COPA: variants seen among roughly 807,000 people sequenced by gnomAD.
The protein encoded by COPA is coatomer subunit alpha.
Under a neutral mutation model 158.7 loss-of-function variants are expected in COPA, and 10 were observed. The ratio of observed to expected loss-of-function variants is 0.06; its 90% CI spans 0.04 to 0.11. The LOEUF (loss-of-function observed/expected upper bound fraction) is 0.11, where lower values mean the gene tolerates loss of function less well. Ranked by LOEUF, COPA falls within the 10% of genes least tolerant of loss-of-function variation. COPA has a pLI of 1.00. For synonymous variants in COPA, 462 were observed against 542.8 expected (o/e 0.85, Z 2.07); for missense variants, 1,065 against 1,536.7 (o/e 0.69, Z 5.13).
chr1:160,305,770 A>C lies in COPA; in HGVS notation c.1446T>G (p.Thr482=). The change falls in exon 16 of 33, where the codon ACT becomes ACG. Residue 482 remains threonine (T), a synonymous_variant. Coordinates refer to ENST00000241704, the MANE Select transcript of COPA (RefSeq NM_004371.4). ...CTTTAGAAATCTTCACAGATGCCAG[A>C]GTCCTGAGATAGATAGAGATGTGCA... The part of the protein sequence containing the change: ...ITLFDVQQKR[T]LASVKISKVK... 6.2e-7 allele frequency: 1 copy of C among 1,613,494 alleles called. No individual in the cohort carries two copies. Among genetic ancestry groups the C allele is most frequent in the East Asian group, 2.2e-5 (1 of 44,886 alleles).
chr1:160,329,701 A>G (rs1250714590), intron 6 of COPA, among the ~76,000 whole-genome samples: 1 of 152,230 alleles, frequency 6.6e-6, no homozygotes, highest in Non-Finnish European at 1.5e-5. Flanking sequence ...CAAATTCTCT[A>G]TGAACTAGAA....
intron 3 of COPA, 27 bp from the exon 4 acceptor site, chr1:160,335,349 C>G (rs775693217): frequency 1.3e-6 from 2 of 1,592,684 alleles, no homozygotes; most frequent in Admixed American, 3.5e-5. Flanking sequence ...AACTAAGAAA[C>G]AGAAATAGTT....
Position 160,314,052 on chromosome 1 carries a change from G to T in COPA, c.780C>A (p.Arg260=). The T allele has an allele frequency of 6.2e-7, 1 of 1,613,674 alleles. No homozygotes were observed. The highest frequency in any genetic ancestry group is 8.5e-7 in the Non-Finnish European group (1 of 1,179,918). ...CAGAATTGCTGAGGATCAACTCTTG[G>T]CGAGGGTGGAAGACGGCACAAGATA... ...NNVSCAVFHP[R]QELILSNSED... The change falls in exon 9 of 33, where the codon CGC becomes CGA. Residue 260 remains arginine, a synonymous_variant. Coordinates refer to ENST00000241704, the MANE Select transcript of COPA (RefSeq NM_004371.4).
chr1:160,327,475 G>T (rs1370209450), intron 6 of COPA, among the ~76,000 whole-genome samples: 2 of 147,152 alleles, frequency 1.4e-5, no homozygotes, highest in African/African-American at 2.5e-5. Flanking sequence ...GGGCGGGGCT[G>T]GGGGGGGCGC....
chr1:160,308,142 A>G (rs1181950212), intron 13 of COPA, among the ~76,000 whole-genome samples: 2 of 151,806 alleles, frequency 1.3e-5, no homozygotes, highest in African/African-American at 4.8e-5. Context: ...AACAAAACAA[A>G]ATATTTTAAA....
At chr1:160,327,233 C>G (rs577036354) in intron 6 of COPA, among the ~76,000 whole-genome samples, 1 of 152,298 alleles carries the variant, frequency 6.6e-6, no homozygotes, top group South Asian at 2.1e-4. Flanking sequence ...AATAAAAACT[C>G]TCATTGAAAA....
intron 10 of COPA, 23 bp from the exon 11 acceptor site, chr1:160,312,041 G>T (rs1557867154): frequency 6.2e-7 from 1 of 1,604,902 alleles, no homozygotes; most frequent in South Asian, 1.1e-5. Flanking sequence ...GAGAGGAGGA[G>T]AAAAAATTAA....
At chr1:160,325,959 T>C (rs1462289150) in intron 6 of COPA, 3 of 238,124 alleles carry the variant, frequency 1.3e-5, no homozygotes, top group East Asian at 1.7e-4. Context: ...CCTCAAGAGG[T>C]GTCTGCTTCA....
intron 17 of COPA, among the ~76,000 whole-genome samples, chr1:160,303,428 C>G (rs927084016): frequency 7.2e-5 from 11 of 152,162 alleles, no homozygotes; most frequent in African/African-American, 2.7e-4. Flanking sequence ...GACTGCAGAA[C>G]AATGGAGAAA....
At chr1:160,301,036 T>A (rs1203380271) in intron 17 of COPA, among the ~76,000 whole-genome samples, 2 of 152,014 alleles carry the variant, frequency 1.3e-5, no homozygotes, top group East Asian at 3.8e-4. Context: ...AAGAATTGCT[T>A]GAACCCGGGA....
chr1:160,298,146 A>G (rs1013064861), intron 19 of COPA, among the ~76,000 whole-genome samples: 2 of 151,244 alleles, frequency 1.3e-5, no homozygotes, highest in African/African-American at 4.9e-5. Flanking sequence ...ATGCCATTGC[A>G]CTCCAGCCTG....
Position 160,294,803 on chromosome 1 carries a change from C to T in COPA, c.2531G>A (p.Gly844Asp), listed in dbSNP as rs143115096. The change falls in exon 24 of 33, where the codon GGC (glycine) becomes GAC (aspartate). Residue 844 changes from glycine to aspartate, a missense_variant. This residue lies in a region of COPA where 980 missense variants were observed against 1,357.8 expected (regional missense o/e 0.72). Coordinates refer to ENST00000241704, the MANE Select transcript of COPA (RefSeq NM_004371.4). ...CTGCAGCTCTGCATCCTCTCCCCAG[C>T]CCTCTGTACCAACAGTGTCAATGTC... ...DIDIDTVGTE[G>D]WGEDAELQLD... The T allele has an allele frequency of 6.6e-4, 1,069 of 1,614,022 alleles. No homozygotes were observed. The highest frequency in any genetic ancestry group is 1.4e-3 in the Admixed American group (83 of 59,992).
At chr1:160,315,166 C>T (rs778262240) in intron 8 of COPA, among the ~76,000 whole-genome samples, 6 of 152,100 alleles carry the variant, frequency 3.9e-5, no homozygotes, top group Non-Finnish European at 5.9e-5. Flanking sequence ...TCTGCAATGG[C>T]CCTCCCCCAA....
At chr1:160,333,016 C>T (rs191293647) in intron 5 of COPA, among the ~76,000 whole-genome samples, 79 of 152,278 alleles carry the variant, frequency 5.2e-4, no homozygotes, top group African/African-American at 1.9e-3. Context: ...CCTCTGCCTC[C>T]CCAGTTCAAG....
intron 8 of COPA, among the ~76,000 whole-genome samples, chr1:160,318,468 T>TAAAAAAAAAAAAAAAAAAA (rs71090307): frequency 5.1e-4 from 8 of 15,650 alleles, no homozygotes; most frequent in Admixed American, 8.2e-4. Flanking sequence ...ACAATATTTG[T>TAAAAAAAAAAAAAAAAAAA]AAAAAAAAAA....
intron 21 of COPA, 47 bp from the exon 22 acceptor site, chr1:160,296,196 T>C (rs1237268759): frequency 1.9e-6 from 3 of 1,553,236 alleles, no homozygotes; most frequent in African/African-American, 1.4e-5. Context: ...TCCAAATGCA[T>C]GCTGCTGTGG....
intron 11 of COPA, among the ~76,000 whole-genome samples, chr1:160,311,477 C>T (rs1051693711): frequency 4.6e-5 from 7 of 150,626 alleles, no homozygotes; most frequent in African/African-American, 9.8e-5. Context: ...AGGCTGGGCG[C>T]GGTGGCTCAC....
intron 3 of COPA, 95 bp from the exon 4 acceptor site, chr1:160,335,417 T>C (rs1289941456): frequency 6.4e-6 from 6 of 939,532 alleles, no homozygotes; most frequent in Admixed American, 3.1e-5. Flanking sequence ...GAAATATGTA[T>C]ATAAATATAG....
chr1:160,309,082 A>G lies in COPA; in HGVS notation c.1219+19T>C, dbSNP rs1286125588. 12 of 1,599,620 alleles carry G rather than the reference A, an allele frequency of 7.5e-6. No homozygotes were observed. The highest frequency in any genetic ancestry group is 1.3e-5 in the African/African-American group (1 of 74,590). On this transcript the variant is annotated intron_variant, in intron 13 of 32. Coordinates refer to ENST00000241704, the MANE Select transcript of COPA (RefSeq NM_004371.4). ...AGGAGAGCTGGAAGCAGAGTGGGGT[A>G]GACAAAAAGAACACTTACCATCAGG...
Sources: allele counts gnomAD v4.1 joint callset (sites outside exome capture counted in the v4.1 genomes callset), GRCh38; gene constraint gnomAD v4.1.1; regional missense constraint gnomAD v4.1.1; transcripts MANE v1.5; gene names NCBI Gene and HGNC (gene_info 2026-07-23, HGNC 2026-07-21).